The following GPRC5A variants were observed in gnomAD, a reference collection of about 807,000 sequenced individuals.
GPRC5A encodes G protein-coupled receptor class C group 5 member A.
Under a neutral mutation model 22.5 loss-of-function variants are expected in GPRC5A, and 19 were observed. That is an observed-to-expected ratio of 0.85 (90% CI 0.59 to 1.24). The LOEUF (loss-of-function observed/expected upper bound fraction) is 1.24. Ranked by LOEUF, GPRC5A falls within the 50% of genes most tolerant of loss-of-function variation. GPRC5A has a pLI of 0.00. For synonymous variants in GPRC5A, 192 were observed against 184.5 expected, an observed-to-expected ratio of 1.04 and a Z score of -0.33; for missense variants, 471 against 451.1, an observed-to-expected ratio of 1.04 and a Z score of -0.40.
At chr12:12,893,370 C>T (rs1019878469) in intron 1 of GPRC5A, among the ~76,000 whole-genome samples, 5 of 152,228 alleles carry the variant, frequency 3.3e-5, no homozygotes, top group African/African-American at 1.2e-4. Flanking sequence ...TTTTATTCTT[C>T]TCATTCTGGG....
chr12:12,900,914 CA>C (rs55937595), intron 1 of GPRC5A, among the ~76,000 whole-genome samples: 31 of 89,780 alleles, frequency 3.5e-4, no homozygotes, highest in African/African-American at 1.2e-3. Flanking sequence ...AAAAAAAAAA[CA>C]AAAAAAAAAC....
Position 12,912,472 on chromosome 12 carries a change from C to A in GPRC5A, c.1007C>A (p.Ser336Tyr), listed in dbSNP as rs745823691. ...LQNQPPQKEF[S>Y]IPRAHAWPSP... ...AACCAGCCTCCCCAAAAGGAATTCT[C>A]CATCCCACGGGCCCACGCTTGGCCG... Residue 336 changes from serine to tyrosine, a missense_variant, in exon 4 of 4, where the codon TCC becomes TAC. Ser to Tyr is a moderately radical substitution (Grantham distance 144). Coordinates refer to ENST00000014914, the MANE Select transcript of GPRC5A (RefSeq NM_003979.4). The A allele has an allele frequency of 1.2e-6, 2 of 1,612,280 alleles. No individual in the cohort carries two copies. Among genetic ancestry groups the A allele is most frequent in the South Asian group, 2.2e-5 (2 of 91,038 alleles).
intron 1 of GPRC5A, among the ~76,000 whole-genome samples, chr12:12,900,978 T>C (rs1271655130): frequency 1.3e-5 from 2 of 151,472 alleles, no homozygotes; most frequent in Non-Finnish European, 2.9e-5. Context: ...AACCCCTTTC[T>C]TTCATGCCTA....
chr12:12,908,698 T>C lies in GPRC5A; in HGVS notation c.449T>C (p.Ile150Thr). 1 of 1,614,096 alleles carries C rather than the reference T, an allele frequency of 6.2e-7. No individual in the cohort carries two copies. Residue 150 changes from isoleucine to threonine, a missense_variant, in exon 2 of 4, where the codon ATT becomes ACT. Transcript: ENST00000014914. ...GFSLVQDVIA[I>T]EYIVLTMNRT... ...AGCCTAGTCCAGGATGTTATCGCTA[T>C]TGAATATATTGTCCTGACCATGAAT...
intron 1 of GPRC5A, among the ~76,000 whole-genome samples, chr12:12,898,912 T>C (rs1863851847): frequency 6.6e-6 from 1 of 152,238 alleles, no homozygotes; most frequent in Non-Finnish European, 1.5e-5. Flanking sequence ...CTAGGTAGAA[T>C]GGGTCACTGT....
chr12:12,892,872 A>C (rs141352492), intron 1 of GPRC5A, among the ~76,000 whole-genome samples: 1 of 152,060 alleles, frequency 6.6e-6, no homozygotes, highest in African/African-American at 2.4e-5. Flanking sequence ...CACTTCAGCT[A>C]CTTCAGACAC....
Position 12,912,110 on chromosome 12 carries a change from T to C in GPRC5A, c.949T>C (p.Tyr317His). 6.2e-7 allele frequency: 1 copy of C among 1,613,232 alleles called. No homozygotes were observed. The highest frequency in any genetic ancestry group is 8.5e-7 in the Non-Finnish European group (1 of 1,179,120). The change falls in exon 3 of 4, where the codon TAT (tyrosine) becomes CAT (histidine). Residue 317 changes from tyrosine to histidine, a missense_variant. Coordinates refer to ENST00000014914, the MANE Select transcript of GPRC5A (RefSeq NM_003979.4). Reference protein sequence around the residue: ...QGFEETGDTLYAPYSTHFQLQ... With the variant: ...QGFEETGDTLHAPYSTHFQLQ... ...TTTTGAAGAGACAGGGGACACGCTC[T>C]ATGCCCCCTATTCCACACATTTTCA...
Position 12,908,927 on chromosome 12 carries a change from C to T in GPRC5A, c.678C>T (p.Ala226=), listed in dbSNP as rs757281014. The T allele has an allele frequency of 6.2e-7, 1 of 1,614,042 alleles. No homozygotes were observed. Among genetic ancestry groups the T allele is most frequent in the East Asian group, 2.2e-5 (1 of 44,868 alleles). The change falls in exon 2 of 4, where the codon GCC becomes GCT. Residue 226 remains alanine (A), a synonymous_variant. Transcript: ENST00000014914. ...TCCTCTCCATTGCCATCTGGGTGGC[C>T]TGGATCACCCTGCTCATGCTTCCTG... is the stretch of plus-strand genomic sequence containing the variant. The part of the protein sequence containing the change: ...TMLLSIAIWV[A]WITLLMLPDF...
Position 12,913,068 on chromosome 12 carries a change from G to T in GPRC5A, c.*529G>T. 6.5e-6 allele frequency: 1 copy of T among 153,402 alleles called. No individual in the cohort carries two copies. Among genetic ancestry groups the T allele is most frequent in the Non-Finnish European group, 1.5e-5 (1 of 68,602 alleles). 9.5% of individuals were successfully genotyped at this position (153,402 alleles called of 1,614,324 possible). ...CACGCTGGCTCACACAGCTCTAGGG[G>T]CCTGCTCCTCTAACTCACAGTGGGT... On this transcript the variant is annotated 3_prime_UTR_variant, in exon 4 of 4. Transcript: ENST00000014914.
chr12:12,903,009 G>A (rs1056187796), intron 1 of GPRC5A, among the ~76,000 whole-genome samples: 1 of 152,188 alleles, frequency 6.6e-6, no homozygotes, highest in Admixed American at 6.5e-5. Flanking sequence ...GGAGGTTGCC[G>A]GGCGCCGATA....
At chr12:12,909,596 T>G (rs1328618157) in intron 2 of GPRC5A, 2 of 161,342 alleles carry the variant, frequency 1.2e-5, no homozygotes, top group African/African-American at 4.8e-5. Context: ...TCCAGAAATG[T>G]GGAGCCTTTG....
chr12:12,912,320 A>T (rs1389883863), intron 3 of GPRC5A, 127 bp from the exon 4 acceptor site: 1 of 841,140 alleles, frequency 1.2e-6, no homozygotes, highest in East Asian at 2.4e-5. Context: ...AGTGCTTGGC[A>T]TAGAGAGGAC....
At chr12:12,901,365 C>CAAT (rs1338846749) in intron 1 of GPRC5A, among the ~76,000 whole-genome samples, 2 of 152,016 alleles carry the variant, frequency 1.3e-5, no homozygotes, top group Non-Finnish European at 2.9e-5. Context: ...ACCCAAAGTG[C>CAAT]AATTTTTGGC....
intron 1 of GPRC5A, among the ~76,000 whole-genome samples, chr12:12,899,090 A>C (rs905548378): frequency 6.6e-6 from 1 of 152,094 alleles, no homozygotes; most frequent in East Asian, 1.9e-4. Flanking sequence ...GTGCAATGGC[A>C]TGATCATAGT....
rs1863965356 is a variant in GPRC5A at position 12,908,416 on chromosome 12, T to C, written c.167T>C (p.Val56Ala). Reference sequence around the variant, plus strand: ...ACTCTCCCGATCCTCGTCTGCAAGGTGCAGGACTCCAACAGGCGAAAAATG... The same window carrying C: ...ACTCTCCCGATCCTCGTCTGCAAGGCGCAGGACTCCAACAGGCGAAAAATG... ...MLTLPILVCKVQDSNRRKMLP... is the reference protein window; with the variant it reads ...MLTLPILVCKAQDSNRRKMLP... Residue 56 changes from valine to alanine, a missense_variant, in exon 2 of 4, where the codon GTG becomes GCG. Val to Ala is a moderately conservative substitution (Grantham distance 64). Coordinates refer to ENST00000014914, the MANE Select transcript of GPRC5A (RefSeq NM_003979.4). 6.2e-7 allele frequency: 1 copy of C among 1,614,156 alleles called. No individual in the cohort carries two copies. The highest frequency in any genetic ancestry group is 8.5e-7 in the Non-Finnish European group (1 of 1,180,014).
At chr12:12,900,088 CTG>C in intron 1 of GPRC5A, among the ~76,000 whole-genome samples, 1 of 152,338 alleles carries the variant, frequency 6.6e-6, no homozygotes, top group Middle Eastern at 3.4e-3. Flanking sequence ...GTGGTCAGTG[CTG>C]TGTGTCAGTC....
chr12:12,909,235 A>G, intron 2 of GPRC5A, 64 bp downstream of exon 2: 8 of 1,122,918 alleles, frequency 7.1e-6, no homozygotes, highest in Non-Finnish European at 1.0e-5. Flanking sequence ...ATCATAGGAT[A>G]TTATAACTGT....
intron 1 of GPRC5A, among the ~76,000 whole-genome samples, chr12:12,895,632 T>C (rs1039486782): frequency 1.3e-4 from 19 of 151,710 alleles, no homozygotes; most frequent in African/African-American, 3.6e-4. Context: ...ATTACCCTTA[T>C]GTATCAGAAT....
rs1864022059 is a variant in GPRC5A, at chr12:12,912,846, G to A, written c.*307G>A. 3.3e-6 allele frequency: 1 copy of A among 304,776 alleles called. No individual in the cohort carries two copies. The highest frequency in any genetic ancestry group is 2.2e-5 in the African/African-American group (1 of 45,922). 18.9% of individuals were successfully genotyped at this position (304,776 alleles called of 1,614,324 possible). The stretch of plus-strand genomic sequence containing the variant: ...CTCTTTTTGTTTGTTTTTTGAAACA[G>A]GATCTTGCTCTGTCACCCAGGCTTG... On this transcript the variant is annotated 3_prime_UTR_variant, in exon 4 of 4. Transcript: ENST00000014914.
Sources: allele counts gnomAD v4.1 joint callset (sites outside exome capture counted in the v4.1 genomes callset), GRCh38; gene constraint gnomAD v4.1.1; transcripts MANE v1.5; gene names NCBI Gene and HGNC (gene_info 2026-07-23, HGNC 2026-07-21).